Variants in ZFPM2 observed in about 807,000 individuals in gnomAD.
The protein encoded by ZFPM2 is zinc finger protein, FOG family member 2, also known as zinc finger protein ZFPM2.
In ZFPM2, 20 loss-of-function variants were observed where a neutral mutation model predicts 98.6. That is an observed-to-expected ratio of 0.20 (90% confidence interval 0.14 to 0.29). ZFPM2 has a LOEUF of 0.29. Among genes scored for constraint, ZFPM2 ranks in the 10% least tolerant of loss-of-function variants. The pLI is 1.00. For missense variants in ZFPM2, 1,310 were observed against 1,388.6 expected, an observed-to-expected ratio of 0.94 and a Z score of 0.90; for synonymous variants, 518 against 502.7, an observed-to-expected ratio of 1.03 and a Z score of -0.41.
chr8:105,785,300 T>A (rs905614563), intron 5 of ZFPM2: 1 of 150,446 alleles, frequency 6.6e-6, no homozygotes, highest in African/African-American at 2.5e-5. Context: ...TGCATACACA[T>A]ATACACACAT....
chr8:105,611,805 T>A (rs1173024849), intron 4 of ZFPM2, among the ~76,000 whole-genome samples: 1 of 151,870 alleles, frequency 6.6e-6, no homozygotes, highest in Non-Finnish European at 1.5e-5. Context: ...TTCAAGCGAT[T>A]CTCCTGCCTC....
chr8:105,612,868 T>G (rs1335560242), intron 4 of ZFPM2, among the ~76,000 whole-genome samples: 4 of 152,148 alleles, frequency 2.6e-5, no homozygotes, highest in Admixed American at 2.6e-4. Flanking sequence ...TAATTTTGGT[T>G]TTACTAGGGA....
At chr8:105,765,050 T>C (rs1489278773) in intron 5 of ZFPM2, among the ~76,000 whole-genome samples, 1 of 151,852 alleles carries the variant, frequency 6.6e-6, no homozygotes, top group Non-Finnish European at 1.5e-5. Flanking sequence ...ACGTGGTCAG[T>C]GTACAATATG....
At chr8:105,735,135 C>T in intron 5 of ZFPM2, among the ~76,000 whole-genome samples, 1 of 147,866 alleles carries the variant, frequency 6.8e-6, no homozygotes, top group Non-Finnish European at 1.5e-5. Context: ...AATGTATCTA[C>T]ATCTATAATA....
chr8:105,577,638 A>G (rs940293229), intron 4 of ZFPM2, among the ~76,000 whole-genome samples: 1 of 151,994 alleles, frequency 6.6e-6, no homozygotes, highest in Non-Finnish European at 1.5e-5. Flanking sequence ...AAGATACTTT[A>G]AGTACTCTAA....
intron 1 of ZFPM2, among the ~76,000 whole-genome samples, chr8:105,377,087 T>C (rs1228901230): frequency 6.6e-6 from 1 of 152,126 alleles, no homozygotes; most frequent in Non-Finnish European, 1.5e-5. Context: ...TGTAGGGCTG[T>C]TCACCCTGTC....
chr8:105,688,632 A>G (rs1024311068), intron 5 of ZFPM2, among the ~76,000 whole-genome samples: 2 of 152,130 alleles, frequency 1.3e-5, no homozygotes, highest in Admixed American at 1.3e-4. Context: ...CAAATATGAT[A>G]GCACAGGAAA....
At chr8:105,711,433 T>C (rs913937954) in intron 5 of ZFPM2, among the ~76,000 whole-genome samples, 3 of 152,126 alleles carry the variant, frequency 2.0e-5, no homozygotes, top group Non-Finnish European at 4.4e-5. Context: ...CTTAAAAGAA[T>C]AGATCTTTAG....
At chr8:105,368,471 A>G (rs1487687854) in intron 1 of ZFPM2, among the ~76,000 whole-genome samples, 1 of 152,212 alleles carries the variant, frequency 6.6e-6, no homozygotes, top group African/African-American at 2.4e-5. Context: ...ATTAGCTGTC[A>G]TAGGCATTCA....
chr8:105,628,599 C>T (rs544471317), intron 4 of ZFPM2, among the ~76,000 whole-genome samples: 18 of 152,222 alleles, frequency 1.2e-4, no homozygotes, highest in Admixed American at 5.2e-4. Context: ...GACAGGACTA[C>T]GGCTGGATGT....
intron 5 of ZFPM2, among the ~76,000 whole-genome samples, chr8:105,706,951 A>ATACTTACTG (rs1481193820): frequency 6.6e-6 from 1 of 150,812 alleles, no homozygotes. Flanking sequence ...TAGATTAAAA[A>ATACTTACTG]GTATTTAGGC....
intron 3 of ZFPM2, among the ~76,000 whole-genome samples, chr8:105,481,292 G>C (rs963561775): frequency 7.0e-6 from 1 of 143,272 alleles, no homozygotes; most frequent in African/African-American, 3.0e-5. Context: ...TCCTTGGACT[G>C]TGTGGCTTAA....
chr8:105,445,093 GTT>G (rs1486375133), intron 3 of ZFPM2, among the ~76,000 whole-genome samples: 1 of 152,144 alleles, frequency 6.6e-6, no homozygotes, highest in Non-Finnish European at 1.5e-5. Flanking sequence ...TTCTGAGATA[GTT>G]TTAGCCGTAA....
chr8:105,329,034 G>A (rs2052474833), intron 1 of ZFPM2, among the ~76,000 whole-genome samples: 1 of 151,830 alleles, frequency 6.6e-6, no homozygotes, highest in South Asian at 2.1e-4. Context: ...TGGACAAACA[G>A]GCACATATTT....
intron 3 of ZFPM2, among the ~76,000 whole-genome samples, chr8:105,491,648 G>C (rs1258995793): frequency 1.3e-5 from 2 of 152,140 alleles, no homozygotes; most frequent in African/African-American, 4.8e-5. Context: ...GTAATTAATG[G>C]TGGAAAAAGA....
intron 3 of ZFPM2, among the ~76,000 whole-genome samples, chr8:105,557,617 C>T (rs1229027850): frequency 6.6e-6 from 1 of 152,120 alleles, no homozygotes; most frequent in Non-Finnish European, 1.5e-5. Context: ...TTCATGGATT[C>T]ATCCAGGTTC....
chr8:105,319,027 G>C (rs1586288560), intron 1 of ZFPM2, 46 bp downstream of exon 1: 2 of 1,472,776 alleles, frequency 1.4e-6, no homozygotes, highest in Non-Finnish European at 1.8e-6. Context: ...TATTGCCCAG[G>C]AGCGGGGTGC....
intron 3 of ZFPM2, among the ~76,000 whole-genome samples, chr8:105,525,615 A>G (rs60920364): frequency 0.14 from 21,225 of 152,220 alleles, 1,613 homozygotes; most frequent in Non-Finnish European, 0.18. Context: ...ATAGAGTACT[A>G]GGCAGTTAGG....
intron 5 of ZFPM2, among the ~76,000 whole-genome samples, chr8:105,675,544 G>A (rs13258008): frequency 1.3e-5 from 2 of 152,170 alleles, no homozygotes; most frequent in African/African-American, 2.4e-5. Flanking sequence ...ATAGAACTCA[G>A]CAAGCTGGTT....
Sources: gnomAD v4.1 joint callset for allele counts (sites outside exome capture counted in the v4.1 genomes callset) on GRCh38, gnomAD v4.1.1 for gene constraint, MANE v1.5 for transcripts, NCBI Gene and HGNC (gene_info 2026-07-23, HGNC 2026-07-21) for gene names.